Variants in PIAS1 observed in about 807,000 individuals in gnomAD.
The protein encoded by PIAS1 is E3 SUMO-protein ligase PIAS1.
PIAS1 carries 6 observed loss-of-function variants against 71.3 expected under a neutral mutation model. The observed-to-expected ratio is 0.08, with a 90% CI of 0.05 to 0.17. The LOEUF (loss-of-function observed/expected upper bound fraction) is 0.17. Among genes scored for constraint, PIAS1 ranks in the 10% least tolerant of loss-of-function variants. The pLI is 1.00. For missense variants in PIAS1, 555 were observed against 793.6 expected, an observed-to-expected ratio of 0.70 and a Z score of 3.61; for synonymous variants, 303 against 292.9, an observed-to-expected ratio of 1.03 and a Z score of -0.35.
At chr15:68,155,132 C>T (rs965351425) in intron 7 of PIAS1, among the ~76,000 whole-genome samples, 4 of 152,104 alleles carry the variant, frequency 2.6e-5, no homozygotes, top group African/African-American at 4.8e-5. Context: ...AACTCTTCTC[C>T]GCTTGTAGCT....
rs975424159 is a variant in PIAS1 at position 68,178,162 on chromosome 15, C to T, written c.1481+1508C>T. Among the ~76,000 whole-genome samples the T allele has an allele frequency of 2.4e-4, 37 of 152,138 alleles. No homozygotes were observed. The highest frequency in any genetic ancestry group is 7.0e-4 in the African/African-American group (29 of 41,412). On this transcript the variant is annotated intron_variant, in intron 11 of 13. Coordinates refer to ENST00000249636, the MANE Select transcript of PIAS1 (RefSeq NM_016166.3). The surrounding 1 kb of genome is among the most constrained non-coding windows in gnomAD (Gnocchi z 4.2). ...CTGTGTGCCTGTTGTCCCAACTACT[C>T]GGAGGGCTGATGGGGGAGGATCACT...
At chr15:68,135,652 G>A (rs2092727093) in intron 2 of PIAS1, among the ~76,000 whole-genome samples, 1 of 71,940 alleles carries the variant, frequency 1.4e-5, no homozygotes, top group Non-Finnish European at 4.0e-5. Context: ...CGGACGGGGT[G>A]GCTGGCCTGG....
chr15:68,139,228 C>G (rs1230710470), intron 2 of PIAS1, among the ~76,000 whole-genome samples: 1 of 152,154 alleles, frequency 6.6e-6, no homozygotes, highest in Non-Finnish European at 1.5e-5. Context: ...TTGTCCCTTT[C>G]TACAATATTC....
Position 68,124,340 on chromosome 15 carries a change from G to A in PIAS1, c.470-17606G>A, listed in dbSNP as rs528102808. On this transcript the variant is annotated intron_variant, in intron 2 of 13. Transcript: ENST00000249636. ...TGGACATACAGATATTTTTTCTTTG[G>A]CCCATTTACCACAGTCGTGACTTCC... is the stretch of plus-strand genomic sequence containing the variant. Among the ~76,000 whole-genome samples, 222 of 151,570 alleles carry A rather than the reference G, an allele frequency of 1.5e-3. 4 individuals are homozygous for A. The highest frequency in any genetic ancestry group is 5.1e-3 in the African/African-American group (211 of 41,382).
intron 6 of PIAS1, among the ~76,000 whole-genome samples, chr15:68,147,013 T>A (rs146435947): frequency 1.2e-3 from 189 of 152,280 alleles, no homozygotes; most frequent in Admixed American, 2.0e-3. Flanking sequence ...TTCCCTACTA[T>A]TGAGCGTGTT....
At chr15:68,159,197 T>A (rs1441075581) in intron 7 of PIAS1, among the ~76,000 whole-genome samples, 2 of 152,198 alleles carry the variant, frequency 1.3e-5, no homozygotes, top group Non-Finnish European at 2.9e-5. Context: ...GTTGACTGAT[T>A]ACTGCAGGAC....
chr15:68,057,321 C>T (rs2091907010), intron 1 of PIAS1, among the ~76,000 whole-genome samples: 1 of 152,074 alleles, frequency 6.6e-6, no homozygotes, highest in South Asian at 2.1e-4. Context: ...ATTTTGTCAT[C>T]TTTAGGAACT....
rs1407395098 is a variant in PIAS1, at chr15:68,086,133, G to A, written c.25-173G>A. Among the ~76,000 whole-genome samples the A allele has an allele frequency of 6.6e-6, 1 of 151,928 alleles. No individual in the cohort carries two copies. Among genetic ancestry groups the A allele is most frequent in the Non-Finnish European group, 1.5e-5 (1 of 68,000 alleles). On this transcript the variant is annotated intron_variant, in intron 1 of 13. Transcript: ENST00000249636. This position sits in a 1 kb window ranked among gnomAD's most constrained non-coding sequence, Gnocchi z 7.2. ...ATGAATATTAATTTTAAATTTCTTT[G>A]GTTACTTAACGTTAAATGATTAAAT...
chr15:68,125,302 C>G (rs2092642999), intron 2 of PIAS1, among the ~76,000 whole-genome samples: 1 of 152,130 alleles, frequency 6.6e-6, no homozygotes, highest in South Asian at 2.1e-4. Flanking sequence ...GAATTCCCTA[C>G]CAGAGCCTTC....
Position 68,142,322 on chromosome 15 carries a change from T to C in PIAS1, c.587T>C (p.Val196Ala). ...DISGTKCDFTVQVQLRFCLSE... is the reference protein window; with the variant it reads ...DISGTKCDFTAQVQLRFCLSE... ...TCTGGGACCAAATGTGACTTCACAGTACAGGTCCAGTTAAGGTACAGTGCT... is the reference window on the plus strand; with the variant it reads ...TCTGGGACCAAATGTGACTTCACAGCACAGGTCCAGTTAAGGTACAGTGCT... The change falls in exon 4 of 14, where the codon GTA becomes GCA. Residue 196 changes from valine (V) to alanine (A), a missense_variant. By Grantham distance (64) the Val-to-Ala change is moderately conservative. This residue lies in a region of PIAS1 where 134 missense variants were observed against 203.4 expected (regional missense o/e 0.66). Coordinates refer to ENST00000249636, the MANE Select transcript of PIAS1 (RefSeq NM_016166.3). 6.2e-7 allele frequency: 1 copy of C among 1,604,104 alleles called. No individual in the cohort carries two copies. The highest frequency in any genetic ancestry group is 8.5e-7 in the Non-Finnish European group (1 of 1,171,432).
chr15:68,187,925 G>A lies in PIAS1; in HGVS notation c.*90G>A. 1.7e-6 allele frequency: 2 copies of A among 1,181,898 alleles called. No homozygotes were observed. The highest frequency in any genetic ancestry group is 1.2e-6 in the Non-Finnish European group (1 of 843,860). The allele number at this position is 1,181,898 out of a possible 1,614,324, so 73.2% of individuals were successfully genotyped here. ...TTTGTGCTCTGTTTTACCTTACTCTGTTTAGAAAAGTATACAAGCGTGTTT... is the reference window on the plus strand; with the variant it reads ...TTTGTGCTCTGTTTTACCTTACTCTATTTAGAAAAGTATACAAGCGTGTTT... On this transcript the variant is annotated 3_prime_UTR_variant, in exon 14 of 14. Transcript: ENST00000249636. The surrounding 1 kb of genome is among the most constrained non-coding windows in gnomAD (Gnocchi z 5.3).
At chr15:68,099,923 CATACTT>C (rs1441943057) in intron 2 of PIAS1, among the ~76,000 whole-genome samples, 1 of 152,096 alleles carries the variant, frequency 6.6e-6, no homozygotes, top group Non-Finnish European at 1.5e-5. Context: ...CATCTGTCGA[CATACTT>C]ATACTCTTTG....
At chr15:68,175,369 A>C (rs1307245950) in intron 9 of PIAS1, among the ~76,000 whole-genome samples, 1 of 152,210 alleles carries the variant, frequency 6.6e-6, no homozygotes, top group East Asian at 1.9e-4. Context: ...ACTACTGTCT[A>C]TATACTACTC....
At chr15:68,059,749 T>G (rs2091937934) in intron 1 of PIAS1, among the ~76,000 whole-genome samples, 1 of 151,968 alleles carries the variant, frequency 6.6e-6, no homozygotes, top group African/African-American at 2.4e-5. Flanking sequence ...TACAAATGTT[T>G]ATTTTATTTT....
chr15:68,149,877 A>G (rs2092833518), intron 6 of PIAS1, among the ~76,000 whole-genome samples: 1 of 152,140 alleles, frequency 6.6e-6, no homozygotes, highest in East Asian at 1.9e-4. Flanking sequence ...TAAACAATGC[A>G]GGCACTAGTG....
chr15:68,121,112 A>C (rs555775996), intron 2 of PIAS1, among the ~76,000 whole-genome samples: 4 of 152,270 alleles, frequency 2.6e-5, no homozygotes, highest in African/African-American at 9.6e-5. Context: ...TTGTTTTCCT[A>C]TTCCTTGAAG....
chr15:68,172,507 A>G (rs2092997941), intron 8 of PIAS1, among the ~76,000 whole-genome samples: 1 of 152,234 alleles, frequency 6.6e-6, no homozygotes, highest in Non-Finnish European at 1.5e-5. Flanking sequence ...GTGTTCCACA[A>G]TGGTGAACTA....
intron 4 of PIAS1, among the ~76,000 whole-genome samples, chr15:68,145,586 C>T (rs759873298): frequency 4.6e-5 from 7 of 152,056 alleles, no homozygotes; most frequent in Non-Finnish European, 8.8e-5. Flanking sequence ...GGCAGTATCA[C>T]GAAGACAACT....
At chr15:68,153,010 A>G (rs2092859424) in intron 6 of PIAS1, among the ~76,000 whole-genome samples, 1 of 150,840 alleles carries the variant, frequency 6.6e-6, no homozygotes, top group South Asian at 2.1e-4. Flanking sequence ...TCTGTTTGAA[A>G]ACCTTCTTTA....
Sources: allele counts gnomAD v4.1 joint callset (sites outside exome capture counted in the v4.1 genomes callset), GRCh38; gene constraint gnomAD v4.1.1; regional missense constraint gnomAD v4.1.1; non-coding constraint Gnocchi (gnomAD v3.1); transcripts MANE v1.5; gene names NCBI Gene and HGNC (gene_info 2026-07-23, HGNC 2026-07-21).